The following OVCH1 variants were observed in gnomAD, a reference collection of about 807,000 sequenced individuals.
The protein encoded by OVCH1 is ovochymase-1.
In OVCH1, 139 loss-of-function variants were observed where a neutral mutation model predicts 138.4. The observed-to-expected ratio is 1.00, with a 90% CI of 0.87 to 1.16. The LOEUF is 1.16. OVCH1 is among the 50% of genes most tolerant of loss of function. OVCH1 has a pLI of 0.00. For synonymous variants in OVCH1, 453 were observed against 467.8 expected (o/e 0.97, Z 0.41); for missense variants, 1,367 against 1,357.9 (o/e 1.01, Z -0.11).
chr12:29,450,333 A>G (rs565034628), intron 22 of OVCH1, among the ~76,000 whole-genome samples: 2 of 152,282 alleles, frequency 1.3e-5, no homozygotes, highest in African/African-American at 4.8e-5. Context: ...AAAATAAATA[A>G]TCCCATCAAA....
intron 14 of OVCH1, 77 bp from the exon 15 acceptor site, chr12:29,473,180 A>G: frequency 1.1e-6 from 1 of 951,338 alleles, no homozygotes; most frequent in Non-Finnish European, 1.6e-6. Context: ...ACCCTGGTAA[A>G]TCATAAAACT....
intron 9 of OVCH1, among the ~76,000 whole-genome samples, chr12:29,478,110 T>C (rs1942805010): frequency 6.6e-6 from 1 of 152,182 alleles, no homozygotes; most frequent in South Asian, 2.1e-4. Context: ...ATACCAGCTG[T>C]GGAGAGCTTC....
rs775997861 is a variant in OVCH1 at position 29,435,094 on chromosome 12, A to T, written c.3265-1281T>A. ...GTATATTTGAGCTTTAGCTACATAT[A>T]ACCTTCATTTATCCACAGTGGCCAA... On this transcript the variant is annotated intron_variant, in intron 26 of 27. Transcript: ENST00000318184. Among the ~76,000 whole-genome samples the T allele has an allele frequency of 6.6e-5, 10 of 152,372 alleles. 1 individual carries two copies. Among genetic ancestry groups the T allele is most frequent in the Admixed American group, 2.0e-4 (3 of 15,310 alleles).
chr12:29,443,940 G>A (rs1275455807), intron 24 of OVCH1, among the ~76,000 whole-genome samples: 1 of 152,034 alleles, frequency 6.6e-6, no homozygotes, highest in East Asian at 1.9e-4. Context: ...ATTTTGTTGA[G>A]AAAGTACAAT....
intron 1 of OVCH1, 30 bp downstream of exon 1, chr12:29,497,593 C>T (rs769445749): frequency 2.5e-6 from 4 of 1,612,288 alleles, no homozygotes; most frequent in Non-Finnish European, 3.4e-6. Flanking sequence ...GCCTCCTCCG[C>T]AGTCCTGGTG....
At chr12:29,436,313 G>GA (rs1490413119) in intron 26 of OVCH1, among the ~76,000 whole-genome samples, 1 of 151,774 alleles carries the variant, frequency 6.6e-6, no homozygotes, top group Non-Finnish European at 1.5e-5. Context: ...ACTTAGTTTT[G>GA]AAAAATATTT....
exon 16 of OVCH1, chr12:29,471,825 C>T (rs1235753785): frequency 6.2e-7 from 1 of 1,611,652 alleles, no homozygotes; most frequent in South Asian, 1.1e-5. Flanking sequence ...GGGCTGCGGT[C>T]AGAATCCACA....
chr12:29,415,031 G>C (rs1218216112), intron 3 of OVCH1, among the ~76,000 whole-genome samples: 3 of 152,146 alleles, frequency 2.0e-5, no homozygotes, highest in Non-Finnish European at 4.4e-5. Flanking sequence ...AATGATGCTG[G>C]AAATTACAGG....
intron 9 of OVCH1, 125 bp from the exon 11 acceptor site, chr12:29,477,603 G>T (rs368331768): frequency 1.2e-4 from 197 of 1,610,384 alleles, no homozygotes; most frequent in Non-Finnish European, 1.6e-4. Context: ...CTATTTAATG[G>T]TCCTTTGATC....
chr12:29,496,030 T>C, intron 3 of OVCH1, 151 bp downstream of exon 3: 1 of 650,460 alleles, frequency 1.5e-6, no homozygotes, highest in Non-Finnish European at 2.6e-6. Context: ...CAGACACACA[T>C]TTCTGGGAAT....
At chr12:29,422,488 C>G (rs947335409) in intron 3 of OVCH1, among the ~76,000 whole-genome samples, 10 of 152,222 alleles carry the variant, frequency 6.6e-5, no homozygotes, top group African/African-American at 2.4e-4. Context: ...TCAAGAGGAC[C>G]TCCTACTAAC....
chr12:29,414,314 G>A (rs1395299020), intron 3 of OVCH1, among the ~76,000 whole-genome samples: 1 of 152,022 alleles, frequency 6.6e-6, no homozygotes, highest in East Asian at 1.9e-4. Context: ...GCATAAGAGT[G>A]TCCAGCCTGC....
intron 16 of OVCH1, among the ~76,000 whole-genome samples, 197 bp downstream of exon 16, chr12:29,471,605 A>G (rs1440325957): frequency 1.3e-5 from 2 of 152,254 alleles, no homozygotes; most frequent in African/African-American, 4.8e-5. Flanking sequence ...TAAACGGGAT[A>G]AGCAGTCAAG....
At chr12:29,456,577 A>G (rs1430854717) in intron 19 of OVCH1, among the ~76,000 whole-genome samples, 1 of 152,200 alleles carries the variant, frequency 6.6e-6, no homozygotes, top group Non-Finnish European at 1.5e-5. Flanking sequence ...TATTAAGGGA[A>G]CCAAAATATG....
At chr12:29,491,765 T>C (rs1943279078) in intron 4 of OVCH1, among the ~76,000 whole-genome samples, 1 of 152,042 alleles carries the variant, frequency 6.6e-6, no homozygotes, top group Non-Finnish European at 1.5e-5. Flanking sequence ...TTGCTGAAAA[T>C]GTAGCACACT....
chr12:29,451,650 A>G (rs1941800254), intron 21 of OVCH1, 81 bp from the exon 22 acceptor site: 7 of 1,125,544 alleles, frequency 6.2e-6, no homozygotes, highest in Non-Finnish European at 8.8e-6. Flanking sequence ...AGACTGAAAA[A>G]TCTAGGCTTG....
chr12:29,453,425 C>T lies in OVCH1; in HGVS notation c.2530+1416G>A, dbSNP rs574568882. On this transcript the variant is annotated intron_variant, in intron 21 of 27. Transcript: ENST00000318184. ...TGAAGTTTCCCAGCTCCTCAATTTTCCTCCAGTGATCTTGTATTCCACCTG... is the reference window on the plus strand; with the variant it reads ...TGAAGTTTCCCAGCTCCTCAATTTTTCTCCAGTGATCTTGTATTCCACCTG... 2.6e-5 allele frequency among the ~76,000 whole-genome samples: 4 copies of T among 152,218 alleles called. No homozygotes were observed. The East Asian group carries it at 7.7e-4, about 29-fold the overall frequency.
chr12:29,430,677 TGA>T (rs1941252535), intron 27 of OVCH1, among the ~76,000 whole-genome samples: 1 of 152,184 alleles, frequency 6.6e-6, no homozygotes, highest in Middle Eastern at 3.2e-3. Context: ...CCAAAAGCAC[TGA>T]GTCTGTTTCC....
chr12:29,474,074 TACACAC>T (rs146655743), intron 14 of OVCH1, among the ~76,000 whole-genome samples: 51 of 145,288 alleles, frequency 3.5e-4, no homozygotes, highest in South Asian at 1.1e-3. Flanking sequence ...CACACACACA[TACACAC>T]ACACACACAC....
Sources: gnomAD v4.1 joint callset for allele counts (sites outside exome capture counted in the v4.1 genomes callset) on GRCh38, gnomAD v4.1.1 for gene constraint, MANE v1.5 for transcripts, NCBI Gene and HGNC (gene_info 2026-07-23, HGNC 2026-07-21) for gene names.